Variants in ASPRV1 observed in about 807,000 individuals in gnomAD.
The protein encoded by ASPRV1 is retroviral-like aspartic protease 1.
Under a neutral mutation model 11.0 loss-of-function variants are expected in ASPRV1, and 7 were observed. That is an observed-to-expected ratio of 0.64 (90% CI 0.36 to 1.20). The LOEUF (loss-of-function observed/expected upper bound fraction) is 1.20, where lower values mean the gene tolerates loss of function less well. Among genes scored for constraint, ASPRV1 ranks in the 50% most tolerant of loss-of-function variants. ASPRV1 has a pLI of 0.02. For missense variants in ASPRV1, 299 were observed against 320.0 expected (o/e 0.93, Z 0.50); for synonymous variants, 136 against 138.4 (o/e 0.98, Z 0.12).
the ASPRV1 span, among the ~76,000 whole-genome samples, chr2:69,946,779 T>A: frequency 6.6e-6 from 1 of 152,116 alleles, no homozygotes; most frequent in Admixed American, 6.5e-5. Flanking sequence ...AGAGGGTGAC[T>A]CAGGGACAGA....
chr2:69,937,439 A>G, the ASPRV1 span: 1 of 1,500,864 alleles, frequency 6.7e-7, no homozygotes, highest in Non-Finnish European at 8.8e-7. Flanking sequence ...GTGCTCCCCA[A>G]CCCCAGAGCA....
chr2:70,006,557 A>AGAGGACACCAAGACTCATGGG, the ASPRV1 span, among the ~76,000 whole-genome samples: 25 of 152,130 alleles, frequency 1.6e-4, no homozygotes, highest in Non-Finnish European at 1.5e-5. Flanking sequence ...AGAGGGCATA[A>AGAGGACACCAAGACTCATGGG]GAGGACACCA....
At chr2:70,024,489 G>C in the ASPRV1 span, among the ~76,000 whole-genome samples, 1 of 152,140 alleles carries the variant, frequency 6.6e-6, no homozygotes, top group Non-Finnish European at 1.5e-5. Flanking sequence ...ATTACTCCAG[G>C]GCTGAGCCAG....
chr2:70,009,367 T>C, the ASPRV1 span, among the ~76,000 whole-genome samples: 2 of 150,670 alleles, frequency 1.3e-5, no homozygotes. Context: ...TCTTGCTCTG[T>C]TGCCCAGGCT....
At chr2:69,950,065 C>T in the ASPRV1 span, among the ~76,000 whole-genome samples, 24 of 152,218 alleles carry the variant, frequency 1.6e-4, no homozygotes, top group Non-Finnish European at 3.1e-4. Context: ...ATCCACCTGC[C>T]TCAGCCTCCC....
chr2:70,000,275 A>G, the ASPRV1 span, among the ~76,000 whole-genome samples: 2 of 144,948 alleles, frequency 1.4e-5, no homozygotes, highest in South Asian at 5.0e-4. Flanking sequence ...TTGAGGCCAG[A>G]TGTTTGAGGC....
chr2:69,980,050 C>T, the ASPRV1 span, among the ~76,000 whole-genome samples: 38 of 152,332 alleles, frequency 2.5e-4, no homozygotes, highest in East Asian at 6.9e-3. Flanking sequence ...GCCTCATTGT[C>T]GCTGGGTTCC....
the ASPRV1 span, chr2:69,975,411 C>T: frequency 5.2e-5 from 8 of 152,924 alleles, no homozygotes; most frequent in East Asian, 1.3e-3. Flanking sequence ...CCTGCCGGTG[C>T]TGCTCCTCCC....
chr2:70,068,784 A>AAT, the ASPRV1 span, among the ~76,000 whole-genome samples: 32 of 149,522 alleles, frequency 2.1e-4, no homozygotes, highest in African/African-American at 8.2e-4. Context: ...AAAAAAAAAA[A>AAT]AAATAACAAA....
At chr2:70,010,107 C>G in the ASPRV1 span, among the ~76,000 whole-genome samples, 1 of 152,106 alleles carries the variant, frequency 6.6e-6, no homozygotes, top group Non-Finnish European at 1.5e-5. Flanking sequence ...AATTGTCTAA[C>G]CTTGTCCACT....
At chr2:69,991,967 T>G in the ASPRV1 span, among the ~76,000 whole-genome samples, 74 of 152,358 alleles carry the variant, frequency 4.9e-4, 1 homozygote, top group Admixed American at 3.8e-3. Context: ...GAAGTGCTGC[T>G]TTGGGGGCTC....
At chr2:69,943,506 G>T in the ASPRV1 span, among the ~76,000 whole-genome samples, 1 of 152,170 alleles carries the variant, frequency 6.6e-6, no homozygotes, top group Non-Finnish European at 1.5e-5. Context: ...GCTTCGTGGG[G>T]CTGCGGTGTG....
At chr2:69,976,465 C>G in the ASPRV1 span, 1 of 152,242 alleles carries the variant, frequency 6.6e-6, no homozygotes, top group African/African-American at 2.4e-5. Context: ...AATGAGAGCC[C>G]TCGGGTTCTT....
At chr2:70,075,068 G>A in the ASPRV1 span, 1 of 150,780 alleles carries the variant, frequency 6.6e-6, no homozygotes, top group Non-Finnish European at 1.5e-5. Context: ...AGTGAGCCAA[G>A]ATTGCGCCCC....
chr2:70,006,581 C>A, the ASPRV1 span, among the ~76,000 whole-genome samples: 1 of 152,028 alleles, frequency 6.6e-6, no homozygotes, highest in African/African-American at 2.4e-5. Context: ...CTCATGGGAG[C>A]CCAGTCCAGC....
the ASPRV1 span, among the ~76,000 whole-genome samples, chr2:69,995,721 G>T: frequency 6.6e-6 from 1 of 152,162 alleles, no homozygotes; most frequent in African/African-American, 2.4e-5. Flanking sequence ...GGAGGGCAGG[G>T]GCAATTGTCC....
At chr2:70,052,731 T>C in the ASPRV1 span, among the ~76,000 whole-genome samples, 1 of 152,336 alleles carries the variant, frequency 6.6e-6, no homozygotes, top group East Asian at 1.9e-4. Context: ...CCACAGAATC[T>C]GGATGGGATT....
the ASPRV1 span, among the ~76,000 whole-genome samples, chr2:70,061,604 C>G: frequency 1.3e-5 from 2 of 151,966 alleles, no homozygotes; most frequent in Admixed American, 6.6e-5. Context: ...ATGCAAGGAC[C>G]AGATACTGCA....
At chr2:70,030,936 T>C in the ASPRV1 span, 2 of 152,186 alleles carry the variant, frequency 1.3e-5, no homozygotes, top group Non-Finnish European at 2.9e-5. Flanking sequence ...CTGCTAGAAC[T>C]GCTAGGTCAG....
Sources: allele counts gnomAD v4.1 joint callset (sites outside exome capture counted in the v4.1 genomes callset), GRCh38; gene constraint gnomAD v4.1.1; transcripts MANE v1.5; gene names NCBI Gene and HGNC (gene_info 2026-07-23, HGNC 2026-07-21).